Variants in VAPB observed in about 807,000 individuals in gnomAD.
The protein encoded by VAPB is vesicle-associated membrane protein-associated protein B/C.
A neutral mutation model predicts 25.6 loss-of-function variants in VAPB; 7 were observed. The observed-to-expected ratio is 0.27, with a 90% CI of 0.16 to 0.51. The LOEUF is 0.51. VAPB is among the 20% of genes least tolerant of loss of function. The pLI is 0.97. For synonymous variants in VAPB, 112 were observed against 109.2 expected, an observed-to-expected ratio of 1.03 and a Z score of -0.16; for missense variants, 266 against 301.3, an observed-to-expected ratio of 0.88 and a Z score of 0.87.
chr20:58,421,529 A>G (rs976237814), intron 2 of VAPB, among the ~76,000 whole-genome samples: 1 of 152,224 alleles, frequency 6.6e-6, no homozygotes, highest in Non-Finnish European at 1.5e-5. Flanking sequence ...TGGCCACCAC[A>G]TCAGCTTAAA....
chr20:58,411,428 TG>T (rs1988375226), intron 1 of VAPB, among the ~76,000 whole-genome samples: 1 of 151,652 alleles, frequency 6.6e-6, no homozygotes, highest in Non-Finnish European at 1.5e-5. Flanking sequence ...ACTACAGGCA[TG>T]GGCCACCACA....
At chr20:58,425,585 C>T (rs1229812757) in intron 2 of VAPB, among the ~76,000 whole-genome samples, 1 of 152,146 alleles carries the variant, frequency 6.6e-6, no homozygotes, top group Non-Finnish European at 1.5e-5. Context: ...TTGACAGTCT[C>T]CCAATAAAGT....
At chr20:58,435,252 A>G (rs771512762) in intron 3 of VAPB, among the ~76,000 whole-genome samples, 6 of 152,090 alleles carry the variant, frequency 3.9e-5, no homozygotes, top group Non-Finnish European at 8.8e-5. Flanking sequence ...CTTCATTTTT[A>G]TAAAAGAAAT....
intron 1 of VAPB, among the ~76,000 whole-genome samples, chr20:58,415,769 G>T (rs1988524699): frequency 6.6e-6 from 1 of 152,118 alleles, no homozygotes; most frequent in Non-Finnish European, 1.5e-5. Flanking sequence ...AAATGAAAGT[G>T]ACTAGTAAAA....
intron 2 of VAPB, among the ~76,000 whole-genome samples, chr20:58,428,440 G>GT (rs1988855497): frequency 6.6e-6 from 1 of 152,174 alleles, no homozygotes; most frequent in South Asian, 2.1e-4. Context: ...ACCATTTGGT[G>GT]TAGCGTAACA....
intron 1 of VAPB, 113 bp from the exon 2 acceptor site, chr20:58,418,098 G>C: frequency 7.1e-7 from 1 of 1,413,082 alleles, no homozygotes; most frequent in Non-Finnish European, 9.9e-7. Context: ...GCATGTTAAT[G>C]AGATAATCGT....
Position 58,444,364 on chromosome 20 carries a change from C to G in VAPB, c.*129C>G. On this transcript the variant is annotated 3_prime_UTR_variant, in exon 6 of 6. Transcript: ENST00000475243. ...TCTCACAGGTCTTGCCTTTAAATTA[C>G]CCCTCCCTGCACACACATACACAGA... 1 of 1,310,938 alleles carries G rather than the reference C, an allele frequency of 7.6e-7. No individual in the cohort carries two copies. Among genetic ancestry groups the G allele is most frequent in the Non-Finnish European group, 1.1e-6 (1 of 912,358 alleles). 81.2% of individuals were successfully genotyped at this position (1,310,938 alleles called of 1,614,324 possible).
At chr20:58,440,719 A>C in intron 4 of VAPB, 188 bp from the exon 5 acceptor site, 54 of 508,558 alleles carry the variant, frequency 1.1e-4, no homozygotes, top group East Asian at 1.5e-4. Context: ...CATAATTTCT[A>C]GGGCCCTGTT....
intron 1 of VAPB, among the ~76,000 whole-genome samples, chr20:58,417,681 T>G (rs1450491538): frequency 6.6e-6 from 1 of 152,216 alleles, no homozygotes; most frequent in Non-Finnish European, 1.5e-5. Flanking sequence ...GTTACTGTGT[T>G]TATAGACCAT....
In VAPB at chr20:58,424,069, C is replaced by G. The variant is rs149570915; in HGVS notation, c.211+5706C>G. 8.0e-3 allele frequency among the ~76,000 whole-genome samples: 1,215 copies of G among 152,232 alleles called. 12 individuals are homozygous for G. The highest frequency in any genetic ancestry group is 0.013 in the Non-Finnish European group (897 of 68,010). On this transcript the variant is annotated intron_variant, in intron 2 of 5. Transcript: ENST00000475243. Reference sequence around the variant, plus strand: ...TTTTTAAATATCAAGATCAAGAGGACTTACACATTTTGTCTACCTCAGTTA... The same window carrying G: ...TTTTTAAATATCAAGATCAAGAGGAGTTACACATTTTGTCTACCTCAGTTA...
intron 1 of VAPB, among the ~76,000 whole-genome samples, chr20:58,391,687 T>C (rs1600765696): frequency 6.6e-6 from 1 of 152,142 alleles, no homozygotes; most frequent in Non-Finnish European, 1.5e-5. Flanking sequence ...CATGTGCCAC[T>C]ACGCCTGGCT....
At chr20:58,431,554 GTTTGTTTTTTTT>G (rs1454810232) in intron 2 of VAPB, 3 of 131,086 alleles carry the variant, frequency 2.3e-5, no homozygotes, top group African/African-American at 8.8e-5. Flanking sequence ...CCCTTATCTT[GTTTGTTTTTTTT>G]TTTGTTTTTT....
rs553938067 is a variant in VAPB at position 58,434,829 on chromosome 20, T to C, written c.315+124T>C. The C allele has an allele frequency of 6.3e-4, 416 of 665,234 alleles. 6 individuals carry two copies. Among genetic ancestry groups the C allele is most frequent in the Admixed American group, 7.3e-4 (32 of 44,060 alleles). The allele number at this position is 665,234 out of a possible 1,614,324, so 41.2% of individuals were successfully genotyped here. A position where few individuals can be genotyped will look rare whatever the true frequency, so the allele number is the denominator to read the frequency against. ...TTATTTAAAAGGGAATAGTTTTTTT[T>C]CAAGGAGGTTTGTACTTTATCTACC... is the stretch of plus-strand genomic sequence containing the variant. On this transcript the variant is annotated intron_variant, in intron 3 of 5. Transcript: ENST00000475243.
At chr20:58,414,212 C>A (rs910312613) in intron 1 of VAPB, among the ~76,000 whole-genome samples, 2 of 106,578 alleles carry the variant, frequency 1.9e-5, no homozygotes, top group Non-Finnish European at 4.0e-5. Flanking sequence ...GGGCGGCTGG[C>A]CGGGCGGGGG....
Position 58,393,449 on chromosome 20 carries a change from C to T in VAPB, c.58+3932C>T, listed in dbSNP as rs543890273. Reference sequence around the variant, plus strand: ...TTCCAAGTCCTAATCGTTTCCTTGCCATCTCCTCACTCTGAGATCCCACTT... The same window carrying T: ...TTCCAAGTCCTAATCGTTTCCTTGCTATCTCCTCACTCTGAGATCCCACTT... On this transcript the variant is annotated intron_variant, in intron 1 of 5. Coordinates refer to ENST00000475243, the MANE Select transcript of VAPB (RefSeq NM_004738.5). Among the ~76,000 whole-genome samples the T allele has an allele frequency of 5.3e-5, 8 of 152,250 alleles. No individual in the cohort carries two copies. The South Asian group carries it at 1.7e-3, about 32-fold the overall frequency.
chr20:58,441,002 C>G lies in VAPB; in HGVS notation c.492C>G (p.Thr164=). ...SKSLSSSLDD[T]EVKKVMEECK... ...CTCTGAGTTCTTCTTTGGATGACACCGAAGTTAAGAAGGTTATGGAAGAAT... is the reference window on the plus strand; with the variant it reads ...CTCTGAGTTCTTCTTTGGATGACACGGAAGTTAAGAAGGTTATGGAAGAAT... The change falls in exon 5 of 6, where the codon ACC becomes ACG. Residue 164 remains threonine (T), a synonymous_variant. Coordinates refer to ENST00000475243, the MANE Select transcript of VAPB (RefSeq NM_004738.5). 1 of 1,613,840 alleles carries G rather than the reference C, an allele frequency of 6.2e-7. No homozygotes were observed. The highest frequency in any genetic ancestry group is 8.5e-7 in the Non-Finnish European group (1 of 1,179,998).
At chr20:58,416,543 CA>C (rs1297262382) in intron 1 of VAPB, among the ~76,000 whole-genome samples, 1 of 125,704 alleles carries the variant, frequency 8.0e-6, no homozygotes, top group Admixed American at 7.4e-5. Context: ...GTGTTGATAG[CA>C]GACAAAATCA....
At chr20:58,409,153 G>A (rs1017043226) in intron 1 of VAPB, among the ~76,000 whole-genome samples, 7 of 151,892 alleles carry the variant, frequency 4.6e-5, no homozygotes, top group African/African-American at 1.5e-4. Flanking sequence ...ATGCCTGCAA[G>A]TGCTCTAGGT....
chr20:58,405,636 G>T (rs181975073), intron 1 of VAPB, among the ~76,000 whole-genome samples: 35 of 150,164 alleles, frequency 2.3e-4, no homozygotes, highest in African/African-American at 8.3e-4. Context: ...TAGTAGACAG[G>T]GTTTCACCAT....
Sources: allele counts gnomAD v4.1 joint callset (sites outside exome capture counted in the v4.1 genomes callset), GRCh38; gene constraint gnomAD v4.1.1; transcripts MANE v1.5; gene names NCBI Gene and HGNC (gene_info 2026-07-23, HGNC 2026-07-21).